The following PIK3AP1 variants were observed in gnomAD, a reference collection of about 807,000 sequenced individuals.
The protein encoded by PIK3AP1 is phosphoinositide-3-kinase adaptor protein 1, also known as phosphoinositide 3-kinase adapter protein 1.
In PIK3AP1, 21 loss-of-function variants were observed where a neutral mutation model predicts 88.1. The ratio of observed to expected loss-of-function variants is 0.24; its 90% CI spans 0.17 to 0.34. The LOEUF (loss-of-function observed/expected upper bound fraction) is 0.34. PIK3AP1 is among the 10% of genes least tolerant of loss of function. The pLI is 1.00. For missense variants in PIK3AP1, 828 were observed against 1,035.7 expected (o/e 0.80, Z 2.75); for synonymous variants, 398 against 400.0 (o/e 1.00, Z 0.06).
intron 2 of PIK3AP1, among the ~76,000 whole-genome samples, chr10:96,675,234 G>A (rs1843902245): frequency 1.3e-5 from 2 of 150,864 alleles, no homozygotes; most frequent in Admixed American, 6.7e-5. Flanking sequence ...GAAGGAAAAT[G>A]GGGAGGGAGG....
chr10:96,685,353 C>T (rs1299840997), intron 2 of PIK3AP1, among the ~76,000 whole-genome samples: 1 of 152,142 alleles, frequency 6.6e-6, no homozygotes, highest in Non-Finnish European at 1.5e-5. Context: ...TTGTTCAGGT[C>T]CACAAAGCTG....
intron 2 of PIK3AP1, among the ~76,000 whole-genome samples, chr10:96,701,522 C>G (rs559261641): frequency 3.8e-4 from 58 of 152,316 alleles, no homozygotes; most frequent in Admixed American, 1.8e-3. Flanking sequence ...CACAGGGTAA[C>G]TGTCATAAAA....
rs1564961375 is a variant in PIK3AP1 at position 96,628,918 on chromosome 10, A to ATATATATATT, written c.1376-426_1376-425insAATATATATA. 2.2e-4 allele frequency among the ~76,000 whole-genome samples: 27 copies of ATATATATATT among 122,542 alleles called. 1 individual carries two copies. Among genetic ancestry groups the ATATATATATT allele is most frequent in the African/African-American group, 3.4e-4 (11 of 32,190 alleles). The allele number at this position is 122,542 out of a possible 152,430, so 80.4% of individuals were successfully genotyped here. A position where few individuals can be genotyped will look rare whatever the true frequency, so the allele number is the denominator to read the frequency against. On this transcript the variant is annotated intron_variant, in intron 8 of 16. Transcript: ENST00000339364. Reference sequence around the variant, plus strand: ...TATATATATATATATGTGTATATATATATATATATATGGCAAGGTCTCAGG... The same window carrying ATATATATATT: ...TATATATATATATATGTGTATATATATATATATATTTATATATATATGGCAAGGTCTCAGG...
chr10:96,634,002 G>A (rs1052416685), intron 8 of PIK3AP1, among the ~76,000 whole-genome samples: 10 of 152,090 alleles, frequency 6.6e-5, no homozygotes, highest in African/African-American at 2.4e-4. Context: ...CTTGGTGAAG[G>A]GTCTGCCACT....
At chr10:96,633,060 G>A (rs1223146787) in intron 8 of PIK3AP1, 20 of 1,593,742 alleles carry the variant, frequency 1.3e-5, no homozygotes, top group Non-Finnish European at 1.6e-5. Flanking sequence ...AAAACCTCAT[G>A]TCCTACAAGA....
chr10:96,685,775 G>C (rs1281376521), intron 2 of PIK3AP1, among the ~76,000 whole-genome samples: 1 of 152,192 alleles, frequency 6.6e-6, no homozygotes, highest in East Asian at 1.9e-4. Flanking sequence ...GGGAACTAAA[G>C]AGTTAATTCT....
chr10:96,638,459 C>T (rs907000608), intron 8 of PIK3AP1, among the ~76,000 whole-genome samples: 2 of 93,658 alleles, frequency 2.1e-5, no homozygotes, highest in African/African-American at 4.2e-5. Context: ...CACACAGACA[C>T]ACACACACAC....
In PIK3AP1 at chr10:96,653,576, T is replaced by C. The variant is rs1245839619; in HGVS notation, c.568-734A>G. On this transcript the variant is annotated intron_variant, in intron 3 of 16. Transcript: ENST00000339364. ...ACCTCAGCTCACTGCAACCTCCACC[T>C]TCCCAGGTTCAAGCGATTCTCATGC... 2.3e-5 allele frequency among the ~76,000 whole-genome samples: 3 copies of C among 131,872 alleles called. No homozygotes were observed. The East Asian group carries it at 7.9e-4, about 35-fold the overall frequency. The allele number at this position is 131,872 out of a possible 152,430, so 86.5% of individuals were successfully genotyped here.
rs2134201161 is a variant in PIK3AP1, at chr10:96,620,421, C to T, written c.1872G>A (p.Glu624=). 2 of 1,614,168 alleles carry T rather than the reference C, an allele frequency of 1.2e-6. No individual in the cohort carries two copies. The highest frequency in any genetic ancestry group is 2.2e-5 in the East Asian group (1 of 44,886). ...QVKLGIVNVD[E]AVLHFKEWQL... ...GCCACTCTTTGAAGTGGAGCACAGC[C>T]TCATCCACGTTGACAATGCCCAGCT... Residue 624 remains glutamate, a synonymous_variant, in exon 12 of 17, where the codon GAG becomes GAA. Coordinates refer to ENST00000339364, the MANE Select transcript of PIK3AP1 (RefSeq NM_152309.3).
intron 16 of PIK3AP1, among the ~76,000 whole-genome samples, chr10:96,597,486 A>G (rs995995381): frequency 6.6e-6 from 1 of 151,984 alleles, no homozygotes; most frequent in Non-Finnish European, 1.5e-5. Flanking sequence ...AAGATGATGC[A>G]AGTGTGTGGA....
rs145525421 is a variant in PIK3AP1 at position 96,628,457 on chromosome 10, A to T, written c.1412T>A (p.Ile471Asn). The change falls in exon 9 of 17, where the codon ATC (isoleucine) becomes AAC (asparagine). Residue 471 changes from isoleucine to asparagine, a missense_variant. By Grantham distance (149) the Ile-to-Asn change is moderately radical. This residue lies in a region of PIK3AP1 where 610 missense variants were observed against 760.1 expected (regional missense o/e 0.80). Transcript: ENST00000339364. ...EMLQASTSNP[I>N]PGDGFSRATK... The stretch of plus-strand genomic sequence containing the variant: ...GGCCCGAGAGAAACCATCTCCAGGG[A>T]TTGGGTTAGATGTACTGGCCTGAAG... 1.3e-4 allele frequency: 215 copies of T among 1,613,526 alleles called. 2 individuals carry two copies. In the African/African-American group the frequency reaches 2.3e-3, roughly 17 times the overall value.
intron 4 of PIK3AP1, among the ~76,000 whole-genome samples, chr10:96,652,435 T>A (rs1261639191): frequency 6.6e-6 from 1 of 151,764 alleles, no homozygotes; most frequent in Non-Finnish European, 1.5e-5. Flanking sequence ...TAGTCAGGTG[T>A]GGTGGTGGGT....
At chr10:96,694,698 T>G (rs1844198485) in intron 2 of PIK3AP1, among the ~76,000 whole-genome samples, 1 of 152,072 alleles carries the variant, frequency 6.6e-6, no homozygotes, top group Non-Finnish European at 1.5e-5. Flanking sequence ...CACGCCTAGA[T>G]AATTATTTTA....
chr10:96,666,367 C>T (rs188457279), intron 2 of PIK3AP1, among the ~76,000 whole-genome samples: 28 of 152,020 alleles, frequency 1.8e-4, no homozygotes, highest in Admixed American at 1.4e-3. Flanking sequence ...TGCAGTGAGC[C>T]GAGATCGCAC....
At chr10:96,622,858 G>A (rs1395080239) in intron 11 of PIK3AP1, among the ~76,000 whole-genome samples, 1 of 152,222 alleles carries the variant, frequency 6.6e-6, no homozygotes, top group Non-Finnish European at 1.5e-5. Context: ...AGACTTCCAA[G>A]TTGTTCCCCA....
At chr10:96,645,951 G>A (rs889322617) in intron 7 of PIK3AP1, among the ~76,000 whole-genome samples, 1 of 152,134 alleles carries the variant, frequency 6.6e-6, no homozygotes, top group African/African-American at 2.4e-5. Context: ...CTGACCAGAG[G>A]ATACAAATTA....
intron 1 of PIK3AP1, among the ~76,000 whole-genome samples, chr10:96,713,528 G>C (rs1281982495): frequency 2.4e-5 from 3 of 124,566 alleles, no homozygotes; most frequent in Non-Finnish European, 5.1e-5. Flanking sequence ...AAAAAAAAAA[G>C]CAAAAATTAG....
At chr10:96,648,419 CTG>C (rs1307293511) in intron 7 of PIK3AP1, among the ~76,000 whole-genome samples, 1 of 152,182 alleles carries the variant, frequency 6.6e-6, no homozygotes, top group Non-Finnish European at 1.5e-5. Flanking sequence ...TATTAGGAAA[CTG>C]AGAGAGGATA....
At chr10:96,651,923 C>T (rs948935871) in intron 4 of PIK3AP1, among the ~76,000 whole-genome samples, 1 of 152,174 alleles carries the variant, frequency 6.6e-6, no homozygotes. Flanking sequence ...TTACTCACTA[C>T]TGTAGGCCCA....
Sources: allele counts gnomAD v4.1 joint callset (sites outside exome capture counted in the v4.1 genomes callset), GRCh38; gene constraint gnomAD v4.1.1; regional missense constraint gnomAD v4.1.1; transcripts MANE v1.5; gene names NCBI Gene and HGNC (gene_info 2026-07-23, HGNC 2026-07-21).